Variants in TUBGCP3 observed in about 807,000 individuals in gnomAD.
The protein encoded by TUBGCP3 is tubulin gamma complex component 3.
A neutral mutation model predicts 123.1 loss-of-function variants in TUBGCP3; 50 were observed. That is an observed-to-expected ratio of 0.41 (90% confidence interval 0.32 to 0.51). The LOEUF (loss-of-function observed/expected upper bound fraction) is 0.51, where lower values mean the gene tolerates loss of function less well. TUBGCP3 is among the 20% of genes least tolerant of loss of function. The probability of loss-of-function intolerance (pLI) is 0.36; values close to 1 mark genes in which losing one functional copy is unlikely to be tolerated. For synonymous variants in TUBGCP3, 405 were observed against 413.9 expected, an observed-to-expected ratio of 0.98 and a Z score of 0.26; for missense variants, 882 against 1,127.0, an observed-to-expected ratio of 0.78 and a Z score of 3.11.
In TUBGCP3 at chr13:112,512,848, T is replaced by A. The variant is rs1040360308; in HGVS notation, c.2086+3592A>T. 2.0e-5 allele frequency among the ~76,000 whole-genome samples: 3 copies of A among 152,332 alleles called. No individual in the cohort carries two copies. In the East Asian group the frequency reaches 5.8e-4, roughly 29 times the overall value. ...CCTCTAAAAGCTGTCTAAACATTAA[T>A]TTTTAATTTTTGTCTCAGATGAGTA... On this transcript the variant is annotated intron_variant, in intron 17 of 21. Coordinates refer to ENST00000261965, the MANE Select transcript of TUBGCP3 (RefSeq NM_006322.6).
chr13:112,593,785 C>T, the TUBGCP3 span, among the ~76,000 whole-genome samples: 1 of 151,974 alleles, frequency 6.6e-6, no homozygotes, highest in Non-Finnish European at 1.5e-5. Context: ...ACAAACTGAT[C>T]AGATTTGCTA....
rs1337708567 is a variant in TUBGCP3 at position 112,485,924 on chromosome 13, G to A, written c.*69C>T. ...CTGCAGCATGCAGTTCCTGCAGGAC[G>A]TCAATGGGAATTTCGTGTCTAGCAG... is the stretch of plus-strand genomic sequence containing the variant. On this transcript the variant is annotated 3_prime_UTR_variant, in exon 22 of 22. Coordinates refer to ENST00000261965, the MANE Select transcript of TUBGCP3 (RefSeq NM_006322.6). The A allele has an allele frequency of 1.6e-5, 18 of 1,155,264 alleles. No individual in the cohort carries two copies. Among genetic ancestry groups the A allele is most frequent in the South Asian group, 1.1e-4 (7 of 64,392 alleles). 71.6% of individuals were successfully genotyped at this position (1,155,264 alleles called of 1,614,324 possible).
Position 112,525,941 on chromosome 13 carries a change from C to T in TUBGCP3, c.1555+1001G>A, listed in dbSNP as rs532030171. ...TTACACAGTACTATATATATACATA[C>T]ATAATACTATGTATTAAGGTGTATC... On this transcript the variant is annotated intron_variant, in intron 13 of 21. Coordinates refer to ENST00000261965, the MANE Select transcript of TUBGCP3 (RefSeq NM_006322.6). 1.1e-4 allele frequency among the ~76,000 whole-genome samples: 17 copies of T among 152,248 alleles called. 1 individual carries two copies. Among genetic ancestry groups the T allele is most frequent in the South Asian group, 6.2e-4 (3 of 4,826 alleles).
At chr13:112,571,511 A>G (rs529421125) in intron 1 of TUBGCP3, among the ~76,000 whole-genome samples, 1 of 152,212 alleles carries the variant, frequency 6.6e-6, no homozygotes, top group East Asian at 1.9e-4. Context: ...TAGATTTAGC[A>G]TAACTCCTAA....
At chr13:112,506,313 C>T (rs1490786556) in intron 17 of TUBGCP3, among the ~76,000 whole-genome samples, 1 of 152,220 alleles carries the variant, frequency 6.6e-6, no homozygotes, top group African/African-American at 2.4e-5. Context: ...AGGGAGCACA[C>T]CCACTCAAGG....
At chr13:112,526,796 TATCATCACATCACCATCATCCCC>T in intron 13 of TUBGCP3, 123 bp downstream of exon 13, 1 of 617,260 alleles carries the variant, frequency 1.6e-6, no homozygotes, top group Non-Finnish European at 2.8e-6. Context: ...CCAACATCAT[TATCATCACATCACCATCATCCCC>T]ATCATCACAC....
chr13:112,534,692 A>C (rs746384548), intron 11 of TUBGCP3, among the ~76,000 whole-genome samples: 2 of 152,314 alleles, frequency 1.3e-5, no homozygotes, highest in Non-Finnish European at 2.9e-5. Context: ...GGGAGGAAGA[A>C]GACCCGGGAA....
intron 17 of TUBGCP3, among the ~76,000 whole-genome samples, chr13:112,510,915 G>C (rs1400970321): frequency 6.6e-6 from 1 of 152,096 alleles, no homozygotes; most frequent in Admixed American, 6.5e-5. Context: ...GCTCCTTAGT[G>C]AAACATATGA....
At chr13:112,580,090 C>T (rs1341187425) in intron 1 of TUBGCP3, among the ~76,000 whole-genome samples, 2 of 152,198 alleles carry the variant, frequency 1.3e-5, no homozygotes, top group East Asian at 3.9e-4. Flanking sequence ...TGACTGAACA[C>T]TGTATGACTG....
At chr13:112,558,490 A>G in intron 4 of TUBGCP3, 77 bp from the exon 5 acceptor site, 2 of 1,269,304 alleles carry the variant, frequency 1.6e-6, no homozygotes, top group East Asian at 4.8e-5. Flanking sequence ...GGTCATTTAT[A>G]TTCAGATTTT....
intron 1 of TUBGCP3, among the ~76,000 whole-genome samples, chr13:112,573,355 T>C (rs1881561884): frequency 6.6e-6 from 1 of 151,780 alleles, no homozygotes; most frequent in South Asian, 2.1e-4. Context: ...GGCAAAAAGA[T>C]GGAAATTACG....
At chr13:112,494,921 A>G (rs1880428086) in intron 20 of TUBGCP3, among the ~76,000 whole-genome samples, 1 of 152,130 alleles carries the variant, frequency 6.6e-6, no homozygotes. Context: ...GAATTACTAG[A>G]GTTTTTTCCT....
intron 11 of TUBGCP3, among the ~76,000 whole-genome samples, chr13:112,534,246 T>C (rs1004208756): frequency 1.3e-5 from 2 of 152,142 alleles, no homozygotes; most frequent in African/African-American, 4.8e-5. Context: ...CCCATATCAA[T>C]CCACATTAAA....
rs776479271 is a variant in TUBGCP3 at position 112,558,358 on chromosome 13, G to T, written c.386C>A (p.Thr129Asn). 11 of 1,606,620 alleles carry T rather than the reference G, an allele frequency of 6.8e-6. No homozygotes were observed. In the Admixed American group the frequency reaches 1.8e-4, roughly 27 times the overall value. The change falls in exon 5 of 22, where the codon ACC becomes AAC. Residue 129 changes from threonine to asparagine, a missense_variant. Thr to Asn is a moderately conservative substitution (Grantham distance 65). This residue lies in a region of TUBGCP3 where 713 missense variants were observed against 874.0 expected (regional missense o/e 0.82). Transcript: ENST00000261965. ...CTGAGGCCTGGCATAGTAGTAAGGG[G>T]TTGAGTGGGCATCTCTTGGTAAGGC... is the stretch of plus-strand genomic sequence containing the variant. ...AQALPRDAHSTPYYYARPQTL... is the reference protein window; with the variant it reads ...AQALPRDAHSNPYYYARPQTL...
At position 112,511,761 on chromosome 13, in the gene TUBGCP3, T is replaced by G. The variant is rs927848766; in HGVS notation, c.2086+4679A>C. ...AAACCAAATTTGGGCCAATCCAACC[T>G]TTTCAGATTCTGGGTCTCAGGCTGC... On this transcript the variant is annotated intron_variant, in intron 17 of 21. Transcript: ENST00000261965. This position sits in a 1 kb window ranked among gnomAD's most constrained non-coding sequence, Gnocchi z 4.1. Among the ~76,000 whole-genome samples the G allele has an allele frequency of 6.6e-6, 1 of 152,192 alleles. No homozygotes were observed. Among genetic ancestry groups the G allele is most frequent in the Non-Finnish European group, 1.5e-5 (1 of 68,022 alleles).
At chr13:112,529,787 T>C (rs981738579) in intron 11 of TUBGCP3, among the ~76,000 whole-genome samples, 2 of 152,232 alleles carry the variant, frequency 1.3e-5, no homozygotes, top group African/African-American at 4.8e-5. Flanking sequence ...CACTGCCCTG[T>C]GATGCATGGC....
chr13:112,549,792 A>C (rs1234643874), intron 8 of TUBGCP3, among the ~76,000 whole-genome samples: 1 of 151,886 alleles, frequency 6.6e-6, no homozygotes, highest in Non-Finnish European at 1.5e-5. Flanking sequence ...GATCGAGACC[A>C]TCCTGGCTAA....
intron 10 of TUBGCP3, 151 bp downstream of exon 10, chr13:112,547,469 T>G: frequency 7.8e-7 from 1 of 1,286,360 alleles, no homozygotes; most frequent in Non-Finnish European, 1.0e-6. Flanking sequence ...TGGCGCACCC[T>G]ACAAACGAGT....
At chr13:112,559,051 C>T (rs568704274) in intron 4 of TUBGCP3, among the ~76,000 whole-genome samples, 1 of 152,286 alleles carries the variant, frequency 6.6e-6, no homozygotes, top group Non-Finnish European at 1.5e-5. Context: ...AGTAACTTCA[C>T]AAAGTAAACA....
Sources: gnomAD v4.1 joint callset for allele counts (sites outside exome capture counted in the v4.1 genomes callset) on GRCh38, gnomAD v4.1.1 for gene constraint, gnomAD v4.1.1 regional missense constraint, Gnocchi (gnomAD v3.1) non-coding constraint, MANE v1.5 for transcripts, NCBI Gene and HGNC (gene_info 2026-07-23, HGNC 2026-07-21) for gene names.